The following ROBO2 variants were observed in gnomAD, a reference collection of about 807,000 sequenced individuals.
ROBO2 encodes roundabout guidance receptor 2.
A neutral mutation model predicts 160.8 loss-of-function variants in ROBO2; 53 were observed. The ratio of observed to expected loss-of-function variants is 0.33; its 90% CI spans 0.26 to 0.41. The LOEUF is 0.41. ROBO2 is among the 10% of genes least tolerant of loss of function. The probability of loss-of-function intolerance (pLI) is 1.00; values close to 1 mark genes in which losing one functional copy is unlikely to be tolerated. For synonymous variants in ROBO2, 664 were observed against 611.7 expected (o/e 1.09, Z -1.26); for missense variants, 1,577 against 1,722.4 (o/e 0.92, Z 1.49).
chr3:76,331,491 C>T (rs1299462055), intron 2 of ROBO2, among the ~76,000 whole-genome samples: 2 of 151,828 alleles, frequency 1.3e-5, no homozygotes, highest in Non-Finnish European at 2.9e-5. Flanking sequence ...CAGTGTCTTT[C>T]ACTCTATTTG....
intron 2 of ROBO2, among the ~76,000 whole-genome samples, chr3:76,992,521 A>C (rs2060741542): frequency 6.6e-6 from 1 of 151,818 alleles, no homozygotes. Context: ...TGAAGATCGC[A>C]CATTCTGAGT....
At chr3:77,457,044 C>T (rs1212473123) in intron 2 of ROBO2, among the ~76,000 whole-genome samples, 1 of 152,184 alleles carries the variant, frequency 6.6e-6, no homozygotes, top group East Asian at 1.9e-4. Context: ...TTACAGTCCC[C>T]TCCAGCCCTT....
intron 2 of ROBO2, among the ~76,000 whole-genome samples, chr3:76,378,938 T>C (rs980856758): frequency 6.6e-6 from 1 of 152,194 alleles, no homozygotes; most frequent in African/African-American, 2.4e-5. Context: ...GCCTCTTTGC[T>C]ATGCACAGCT....
At chr3:77,162,996 A>T (rs564863028) in intron 2 of ROBO2, among the ~76,000 whole-genome samples, 40 of 149,140 alleles carry the variant, frequency 2.7e-4, no homozygotes, top group African/African-American at 9.6e-4. Context: ...TGCCCAGCTA[A>T]TTTTTTTTTT....
At chr3:76,457,274 T>C (rs566576484) in intron 2 of ROBO2, among the ~76,000 whole-genome samples, 2 of 152,284 alleles carry the variant, frequency 1.3e-5, no homozygotes, top group Admixed American at 1.3e-4. Context: ...ATTGGGTAAA[T>C]ACAGCCATTC....
At chr3:77,382,667 A>G (rs1397149455) in intron 2 of ROBO2, among the ~76,000 whole-genome samples, 1 of 152,126 alleles carries the variant, frequency 6.6e-6, no homozygotes, top group Non-Finnish European at 1.5e-5. Flanking sequence ...GAGAACATAC[A>G]GTGTTTGGTT....
chr3:76,400,092 T>G (rs2077725622), intron 2 of ROBO2, among the ~76,000 whole-genome samples: 1 of 151,664 alleles, frequency 6.6e-6, no homozygotes, highest in Non-Finnish European at 1.5e-5. Context: ...GAAAACAAAC[T>G]TTCATTTTGT....
At chr3:75,914,343 C>T (rs1234674884) in intron 1 of ROBO2, among the ~76,000 whole-genome samples, 1 of 151,980 alleles carries the variant, frequency 6.6e-6, no homozygotes, top group Non-Finnish European at 1.5e-5. Context: ...CAAAGGAAAC[C>T]CTGGTTGAGA....
At chr3:76,630,657 G>C (rs558069063) in intron 2 of ROBO2, among the ~76,000 whole-genome samples, 346 of 152,264 alleles carry the variant, frequency 2.3e-3, no homozygotes, top group Non-Finnish European at 4.5e-3. Context: ...TTTAAGCTAA[G>C]CCACCTGAGT....
chr3:76,907,163 G>A (rs2075663084), intron 2 of ROBO2, among the ~76,000 whole-genome samples: 1 of 152,150 alleles, frequency 6.6e-6, no homozygotes, highest in Non-Finnish European at 1.5e-5. Flanking sequence ...GCAGAGGGTG[G>A]TAGAGAAGAA....
intron 2 of ROBO2, among the ~76,000 whole-genome samples, chr3:76,412,327 T>C (rs971755447): frequency 6.6e-6 from 1 of 152,172 alleles, no homozygotes; most frequent in Admixed American, 6.5e-5. Flanking sequence ...AACCATATCA[T>C]TCTGCCCCTG....
chr3:77,513,151 A>C (rs2089610816), intron 5 of ROBO2, among the ~76,000 whole-genome samples: 1 of 151,846 alleles, frequency 6.6e-6, no homozygotes, highest in Non-Finnish European at 1.5e-5. Context: ...GAGCATGATA[A>C]AATTCCAGTT....
intron 2 of ROBO2, among the ~76,000 whole-genome samples, chr3:77,032,238 G>A (rs1262521467): frequency 1.3e-5 from 2 of 152,126 alleles, no homozygotes; most frequent in South Asian, 2.1e-4. Flanking sequence ...CACTGCTGGC[G>A]AATACATTAG....
chr3:77,581,450 A>G (rs1406337160), intron 16 of ROBO2, among the ~76,000 whole-genome samples: 2 of 152,096 alleles, frequency 1.3e-5, no homozygotes, highest in Non-Finnish European at 2.9e-5. Context: ...GAGGTCTATA[A>G]TTCATCTGAT....
intron 2 of ROBO2, among the ~76,000 whole-genome samples, chr3:77,466,603 A>C (rs1019184253): frequency 6.6e-6 from 1 of 152,198 alleles, no homozygotes; most frequent in African/African-American, 2.4e-5. Flanking sequence ...AGATATAATT[A>C]TATTTCTACT....
At chr3:76,706,939 G>T (rs74952101) in intron 2 of ROBO2, among the ~76,000 whole-genome samples, 1,534 of 152,052 alleles carry the variant, frequency 0.01, 20 homozygotes, top group African/African-American at 0.027. Flanking sequence ...AGATGTCTAT[G>T]GGAGAATAGA....
chr3:77,266,567 G>C (rs1006788956), intron 2 of ROBO2, among the ~76,000 whole-genome samples: 1 of 151,962 alleles, frequency 6.6e-6, no homozygotes, highest in African/African-American at 2.4e-5. Flanking sequence ...TCCATACTCT[G>C]GTCTCACCAT....
intron 2 of ROBO2, among the ~76,000 whole-genome samples, chr3:76,604,263 G>T (rs1454561300): frequency 1.3e-5 from 2 of 152,070 alleles, no homozygotes; most frequent in Non-Finnish European, 2.9e-5. Flanking sequence ...TACAGTTTTT[G>T]GACTTAAGAA....
At chr3:75,924,794 T>C (rs984634616) in intron 1 of ROBO2, among the ~76,000 whole-genome samples, 7 of 132,702 alleles carry the variant, frequency 5.3e-5, no homozygotes, top group Non-Finnish European at 1.1e-4. Flanking sequence ...GTTCCCGCCA[T>C]TCTCCTGCCT....
Sources: allele counts gnomAD v4.1 joint callset (sites outside exome capture counted in the v4.1 genomes callset), GRCh38; gene constraint gnomAD v4.1.1; transcripts MANE v1.5; gene names NCBI Gene and HGNC (gene_info 2026-07-23, HGNC 2026-07-21).